Variants in NRG2 observed in about 807,000 individuals in gnomAD.
NRG2 encodes the protein neuregulin 2, also known as pro-neuregulin-2, membrane-bound isoform.
A neutral mutation model predicts 73.9 loss-of-function variants in NRG2; 27 were observed. That is an observed-to-expected ratio of 0.37 (90% CI 0.27 to 0.50). NRG2 has a LOEUF of 0.50. NRG2 is among the 20% of genes least tolerant of loss of function. NRG2 has a pLI of 0.96. For synonymous variants in NRG2, 532 were observed against 541.0 expected (o/e 0.98, Z 0.23); for missense variants, 1,126 against 1,210.1 (o/e 0.93, Z 1.03).
intron 1 of NRG2, among the ~76,000 whole-genome samples, chr5:139,965,590 G>T (rs1755445884): frequency 6.6e-6 from 1 of 152,194 alleles, no homozygotes; most frequent in South Asian, 2.1e-4. Flanking sequence ...ACCCAATCAG[G>T]CCCCTGGACA....
rs770568558 is a variant in NRG2 at position 139,880,873 on chromosome 5, C to T, written c.974G>A (p.Arg325Gln). ...CCACCTACCGCTGTTGACGTAAAGC[C>T]GGCCCCGGACGGTGTCCTTCCCCAG... is the stretch of plus-strand genomic sequence containing the variant. The part of the protein sequence containing the change: ...NILGKDTVRG[R>Q]LYVNSVSTTL... The change falls in exon 3 of 10, where the codon CGG becomes CAG. Residue 325 changes from arginine to glutamine, a missense_variant. Arg to Gln is a conservative substitution (Grantham distance 43). Transcript: ENST00000361474. 9 of 1,613,882 alleles carry T rather than the reference C, an allele frequency of 5.6e-6. No individual in the cohort carries two copies. Among genetic ancestry groups the T allele is most frequent in the East Asian group, 2.2e-5 (1 of 44,894 alleles).
chr5:139,891,673 G>A (rs1028462087), intron 1 of NRG2, among the ~76,000 whole-genome samples: 5 of 151,956 alleles, frequency 3.3e-5, no homozygotes, highest in Admixed American at 3.3e-4. Context: ...GTGGGAATGA[G>A]CTTGATGAGT....
chr5:139,924,713 T>C (rs980414309), intron 1 of NRG2, among the ~76,000 whole-genome samples: 2 of 152,222 alleles, frequency 1.3e-5, no homozygotes, highest in African/African-American at 4.8e-5. Context: ...AGCTAATCTC[T>C]TCTTTCCTCT....
chr5:139,980,531 C>T (rs866871429), intron 1 of NRG2, among the ~76,000 whole-genome samples: 1 of 152,156 alleles, frequency 6.6e-6, no homozygotes, highest in East Asian at 1.9e-4. Context: ...GACACACCAT[C>T]CTCATGCCCA....
At chr5:140,024,594 T>C (rs912502419) in intron 1 of NRG2, among the ~76,000 whole-genome samples, 1 of 152,180 alleles carries the variant, frequency 6.6e-6, no homozygotes, top group Non-Finnish European at 1.5e-5. Flanking sequence ...TTGTCCTAAT[T>C]TGGGAGGGAC....
At chr5:139,900,861 C>T (rs1764840145) in intron 1 of NRG2, among the ~76,000 whole-genome samples, 1 of 152,230 alleles carries the variant, frequency 6.6e-6, no homozygotes, top group South Asian at 2.1e-4. Flanking sequence ...GGGAAGAAGG[C>T]AGCAACAGGC....
chr5:139,938,963 A>AGAAAAAAGAAG (rs1753141190), intron 1 of NRG2, among the ~76,000 whole-genome samples: 1 of 138,360 alleles, frequency 7.2e-6, no homozygotes, highest in African/African-American at 2.9e-5. Context: ...GAAAGAAAAA[A>AGAAAAAAGAAG]GAAGGAAGGA....
rs139231394 is a variant in NRG2, at chr5:139,943,666, T to C, written c.701-56155A>G. Among the ~76,000 whole-genome samples, 28 of 152,340 alleles carry C rather than the reference T, an allele frequency of 1.8e-4. No individual in the cohort carries two copies. In the South Asian group the frequency reaches 3.1e-3, roughly 17 times the overall value. On this transcript the variant is annotated intron_variant, in intron 1 of 9. Transcript: ENST00000361474. ...AATTTAATAACAAAATAATCTACAG[T>C]ACATTGTGTTTCAAAAGCAAGACAT...
intron 1 of NRG2, among the ~76,000 whole-genome samples, chr5:139,979,288 A>G (rs1216929618): frequency 6.6e-6 from 1 of 152,212 alleles, no homozygotes; most frequent in Non-Finnish European, 1.5e-5. Flanking sequence ...GCCTACGTTC[A>G]AATTCTAAAT....
chr5:139,988,704 G>A (rs1459803534), intron 1 of NRG2, among the ~76,000 whole-genome samples: 5 of 152,018 alleles, frequency 3.3e-5, no homozygotes, highest in Non-Finnish European at 7.4e-5. Flanking sequence ...TGATACTATA[G>A]CGAATGTATG....
chr5:139,900,961 A>C (rs1344247312), intron 1 of NRG2, among the ~76,000 whole-genome samples: 2 of 152,238 alleles, frequency 1.3e-5, no homozygotes. Flanking sequence ...CAATGAGCCC[A>C]CACAGGCCAG....
At chr5:139,968,734 C>T (rs1005017687) in intron 1 of NRG2, among the ~76,000 whole-genome samples, 2 of 152,244 alleles carry the variant, frequency 1.3e-5, no homozygotes, top group Non-Finnish European at 2.9e-5. Flanking sequence ...TATTATTGGA[C>T]AGGCTGCCCA....
rs949799052 is a variant in NRG2 at position 139,848,380 on chromosome 5, A to G, written c.2090T>C (p.Leu697Pro). 5.9e-5 allele frequency: 73 copies of G among 1,247,744 alleles called. 1 individual carries two copies. Among genetic ancestry groups the G allele is most frequent in the African/African-American group, 3.2e-4 (20 of 63,138 alleles). 77.3% of individuals were successfully genotyped at this position (1,247,744 alleles called of 1,614,324 possible). A position where few individuals can be genotyped will look rare whatever the true frequency, so the allele number is the denominator to read the frequency against. The change falls in exon 10 of 10, where the codon CTG (leucine) becomes CCG (proline). Residue 697 changes from leucine to proline, a missense_variant. Leu to Pro is a moderately conservative substitution (Grantham distance 98). Transcript: ENST00000361474. ...RRGTCALGGS[L>P]GSLPASPFRI... is the part of the protein sequence containing the mutation. The stretch of plus-strand genomic sequence containing the variant: ...GAAGGGGCTGGCAGGCAGGCTGCCC[A>G]GGCTGCCGCCGAGCGCGCAGGTCCC...
chr5:139,892,847 T>C (rs1471698516), intron 1 of NRG2, among the ~76,000 whole-genome samples: 2 of 152,210 alleles, frequency 1.3e-5, no homozygotes, highest in East Asian at 3.8e-4. Flanking sequence ...AGCAAGCTGA[T>C]GGACTACTTG....
At chr5:139,902,834 G>T (rs1311013888) in intron 1 of NRG2, among the ~76,000 whole-genome samples, 2 of 152,202 alleles carry the variant, frequency 1.3e-5, no homozygotes, top group Non-Finnish European at 2.9e-5. Flanking sequence ...CACTGCAGGA[G>T]CCCAGCTTGA....
Position 139,915,836 on chromosome 5 carries a change from A to G in NRG2, c.701-28325T>C, listed in dbSNP as rs1751212867. ...GAGATGCTTTCCTGGAATATGGGACAGCCTGGCAATGACACTGAGTGGGAA... is the reference window on the plus strand; with the variant it reads ...GAGATGCTTTCCTGGAATATGGGACGGCCTGGCAATGACACTGAGTGGGAA... On this transcript the variant is annotated intron_variant, in intron 1 of 9. Coordinates refer to ENST00000361474, the MANE Select transcript of NRG2 (RefSeq NM_004883.3). The surrounding 1 kb of genome is among the most constrained non-coding windows in gnomAD (Gnocchi z 4.0). Among the ~76,000 whole-genome samples, 1 of 152,222 alleles carries G rather than the reference A, an allele frequency of 6.6e-6. No homozygotes were observed. Among genetic ancestry groups the G allele is most frequent in the African/African-American group, 2.4e-5 (1 of 41,464 alleles).
chr5:140,043,295 A>G lies in NRG2; in HGVS notation c.-226T>C, dbSNP rs1762117974. On this transcript the variant is annotated 5_prime_UTR_variant, in exon 1 of 10. Coordinates refer to ENST00000361474, the MANE Select transcript of NRG2 (RefSeq NM_004883.3). This position sits in a 1 kb window ranked among gnomAD's most constrained non-coding sequence, Gnocchi z 6.7. ...CACCCTGTGCGCCAGGACCTGGAGG[A>G]GGATGCGGAGGATGGGACGCCCGCC... 1 of 540,060 alleles carries G rather than the reference A, an allele frequency of 1.9e-6. No individual in the cohort carries two copies. The highest frequency in any genetic ancestry group is 3.2e-6 in the Non-Finnish European group (1 of 309,934). 33.5% of individuals were successfully genotyped at this position (540,060 alleles called of 1,614,324 possible).
At position 140,042,840 on chromosome 5, in the gene NRG2, GC is replaced by G; in HGVS notation, c.229del (p.Ala77GlnfsTer17). The G allele has an allele frequency of 6.8e-7, 1 of 1,474,690 alleles. No individual in the cohort carries two copies. The highest frequency in any genetic ancestry group is 9.0e-7 in the Non-Finnish European group (1 of 1,116,284). 91.4% of individuals were successfully genotyped at this position (1,474,690 alleles called of 1,614,324 possible). ...CGAACGGGCGGCGGCTCTCCGGGCT[GC>G]GGGGCTGCGGGGCTGCGGCTGTTGC... is the stretch of plus-strand genomic sequence containing the variant. ...PQQQPQPRSP[A>X]ARRAAARSRA... On this transcript the variant is annotated frameshift_variant, in exon 1 of 10. Coordinates refer to ENST00000361474, the MANE Select transcript of NRG2 (RefSeq NM_004883.3). LOFTEE classifies it high-confidence loss of function.
At position 139,852,184 on chromosome 5, in the gene NRG2, G is replaced by A. The variant is rs1293874437; in HGVS notation, c.1544+248C>T. Among the ~76,000 whole-genome samples, 1 of 152,182 alleles carries A rather than the reference G, an allele frequency of 6.6e-6. No individual in the cohort carries two copies. The highest frequency in any genetic ancestry group is 1.5e-5 in the Non-Finnish European group (1 of 68,032). On this transcript the variant is annotated intron_variant, in intron 8 of 9. Transcript: ENST00000361474. This position sits in a 1 kb window ranked among gnomAD's most constrained non-coding sequence, Gnocchi z 4.4. ...CAGCCCCAGGGGCCAGTATGTGAGG[G>A]CCCTGACTATTTCCTGGTGCTCCCG...
Sources: gnomAD v4.1 joint callset for allele counts (sites outside exome capture counted in the v4.1 genomes callset) on GRCh38, gnomAD v4.1.1 for gene constraint, Gnocchi (gnomAD v3.1) non-coding constraint, MANE v1.5 for transcripts, NCBI Gene and HGNC (gene_info 2026-07-23, HGNC 2026-07-21) for gene names.